Variants in AKR7A3 observed in about 807,000 individuals in gnomAD.
The protein encoded by AKR7A3 is AFB1 aldehyde reductase 2.
Under a neutral mutation model 32.5 loss-of-function variants are expected in AKR7A3, and 37 were observed. The ratio of observed to expected loss-of-function variants is 1.14; its 90% confidence interval spans 0.88 to 1.50. AKR7A3 has a LOEUF of 1.50. AKR7A3 is among the 40% of genes most tolerant of loss of function. The pLI, the probability that AKR7A3 is intolerant of heterozygous loss-of-function variation, is 0.00. For missense variants in AKR7A3, 412 were observed against 453.2 expected, an observed-to-expected ratio of 0.91 and a Z score of 0.83; for synonymous variants, 177 against 188.4, an observed-to-expected ratio of 0.94 and a Z score of 0.50.
chr1:19,288,310 T>C (rs1243989284), intron 1 of AKR7A3, among the ~76,000 whole-genome samples, 186 bp downstream of exon 1: 2 of 151,172 alleles, frequency 1.3e-5, no homozygotes, highest in Non-Finnish European at 1.5e-5. Flanking sequence ...GAGAGAAAAG[T>C]TGTCCGGAGC....
At chr1:19,284,972 G>A (rs1328881957) in intron 4 of AKR7A3, 46 bp downstream of exon 4, 4 of 1,610,792 alleles carry the variant, frequency 2.5e-6, no homozygotes, top group Non-Finnish European at 3.4e-6. Flanking sequence ...CTGGGCATCT[G>A]TGGGTCGGGA....
rs772074313 is a variant in AKR7A3, at chr1:19,288,609, G to C, written c.101C>G (p.Ala34Gly). Reference sequence around the variant, plus strand: ...CTCGGTGTGGCCGCGCTCCAGGAAGGCGCGCGTGACTGCGGCGCTGGTGGG... The same window carrying C: ...CTCGGTGTGGCCGCGCTCCAGGAAGCCGCGCGTGACTGCGGCGCTGGTGGG... ...DAPTSAAVTR[A>G]FLERGHTEID... is the part of the protein sequence containing the mutation. The change falls in exon 1 of 7, where the codon GCC becomes GGC. Residue 34 changes from alanine (A) to glycine (G), a missense_variant. Ala to Gly is a moderately conservative substitution (Grantham distance 60). Coordinates refer to ENST00000361640, the MANE Select transcript of AKR7A3 (RefSeq NM_012067.3). 5 of 1,588,456 alleles carry C rather than the reference G, an allele frequency of 3.1e-6. No homozygotes were observed. The highest frequency in any genetic ancestry group is 2.3e-5 in the South Asian group (2 of 88,344).
At chr1:19,279,445 A>G (rs1457947541), downstream of AKR7A3, among the ~76,000 whole-genome samples, 1 of 151,852 alleles carries the variant, frequency 6.6e-6, no homozygotes, top group East Asian at 1.9e-4. Context: ...CTATATACCC[A>G]CAAGTGGAAC....
chr1:19,286,565 C>CAGCT (rs1035103995), intron 1 of AKR7A3, among the ~76,000 whole-genome samples, 193 bp from the exon 2 acceptor site: 4 of 151,800 alleles, frequency 2.6e-5, no homozygotes, highest in Non-Finnish European at 4.4e-5. Context: ...CTGTAGTCCC[C>CAGCT]AGCTAGTCCG....
chr1:19,276,901 T>C, the AKR7A3 span, among the ~76,000 whole-genome samples: 2 of 151,558 alleles, frequency 1.3e-5, no homozygotes, highest in African/African-American at 4.9e-5. Flanking sequence ...CACCTGAGGT[T>C]AGGGGTTCTC....
downstream of AKR7A3, among the ~76,000 whole-genome samples, chr1:19,279,009 T>A (rs926182092): frequency 3.9e-5 from 6 of 151,926 alleles, no homozygotes; most frequent in African/African-American, 1.5e-4. Context: ...CAGGCTGCAG[T>A]GCAGTGATGC....
intron 4 of AKR7A3, 98 bp downstream of exon 4, chr1:19,284,920 G>A: frequency 1.3e-6 from 2 of 1,585,014 alleles, no homozygotes; most frequent in Non-Finnish European, 1.7e-6. Flanking sequence ...TGACCTCAGA[G>A]GTCAAAGTTT....
chr1:19,284,237 G>A (rs2093724667), intron 5 of AKR7A3, 112 bp from the exon 6 acceptor site: 2 of 1,419,100 alleles, frequency 1.4e-6, no homozygotes, highest in Non-Finnish European at 1.9e-6. Flanking sequence ...AGGGGCAGGT[G>A]TTCTCTCTAG....
chr1:19,280,816 T>G (rs990073692), downstream of AKR7A3, among the ~76,000 whole-genome samples: 3 of 151,882 alleles, frequency 2.0e-5, no homozygotes, highest in Admixed American at 1.3e-4. Context: ...ATGATCCGCC[T>G]GCCTCGGCCT....
downstream of AKR7A3, among the ~76,000 whole-genome samples, chr1:19,280,489 A>G (rs1208401043): frequency 6.6e-6 from 1 of 151,860 alleles, no homozygotes; most frequent in South Asian, 2.1e-4. Context: ...TTTCTTATGT[A>G]TGGTATGAGG....
chr1:19,280,587 T>C (rs1405210215), downstream of AKR7A3, among the ~76,000 whole-genome samples: 1 of 149,106 alleles, frequency 6.7e-6, no homozygotes, highest in Admixed American at 6.7e-5. Flanking sequence ...CTTTTCTTTT[T>C]TGAGACAGAG....
Position 19,282,866 on chromosome 1 carries a change from C to T in AKR7A3, c.861G>A (p.Leu287=), listed in dbSNP as rs369878720. 211 of 1,612,944 alleles carry T rather than the reference C, an allele frequency of 1.3e-4. 1 individual carries two copies. The highest frequency in any genetic ancestry group is 1.7e-4 in the Non-Finnish European group (201 of 1,179,844). ...LQGAHGDAVI[L]GMSSLEQLEQ... is the part of the protein sequence containing the mutation. ...CCAGCTGCTCCAGGCTGGACATGCCCAGGATGACCGCGTCCCCGTGGGCAC... is the reference window on the plus strand; with the variant it reads ...CCAGCTGCTCCAGGCTGGACATGCCTAGGATGACCGCGTCCCCGTGGGCAC... The change falls in exon 7 of 7, where the codon CTG becomes CTA. Residue 287 remains leucine, a synonymous_variant. Transcript: ENST00000361640.
chr1:19,285,478 G>A (rs1474216682), intron 3 of AKR7A3, among the ~76,000 whole-genome samples: 3 of 151,692 alleles, frequency 2.0e-5, no homozygotes, highest in Non-Finnish European at 4.4e-5. Context: ...CCAAGCAGGT[G>A]TGCAAATATT....
In AKR7A3 at chr1:19,284,870, C is replaced by A. The variant is rs1484489885; in HGVS notation, c.605-85G>T. The A allele has an allele frequency of 2.0e-5, 31 of 1,573,474 alleles. No individual in the cohort carries two copies. The South Asian group carries it at 3.1e-4, about 16-fold the overall frequency. On this transcript the variant is annotated intron_variant, in intron 4 of 6. Transcript: ENST00000361640. ...TCAGGGCTCTGGTCTAGGGGAGGGG[C>A]AGGGACCCAGGAGGGCTGAAGATGC...
chr1:19,282,616 T>A lies in AKR7A3; in HGVS notation c.*115A>T. 3.3e-6 allele frequency: 5 copies of A among 1,533,368 alleles called. No individual in the cohort carries two copies. In the South Asian group the frequency reaches 5.9e-5, roughly 18 times the overall value. The allele number at this position is 1,533,368 out of a possible 1,614,324, so 95.0% of individuals were successfully genotyped here. A position where few individuals can be genotyped will look rare whatever the true frequency, so the allele number is the denominator to read the frequency against. ...TTTGGTGGTGACTCTTCTATTAGGTTTTTGTCCAAATACTTCCATCCCTAA... is the reference window on the plus strand; with the variant it reads ...TTTGGTGGTGACTCTTCTATTAGGTATTTGTCCAAATACTTCCATCCCTAA... On this transcript the variant is annotated 3_prime_UTR_variant, in exon 7 of 7. Transcript: ENST00000361640.
chr1:19,282,408 C>T (rs542577795), downstream of AKR7A3: 13 of 407,680 alleles, frequency 3.2e-5, no homozygotes, highest in Admixed American at 4.8e-4. Context: ...TCCCCCTCTG[C>T]CATGACTGTA....
the AKR7A3 span, among the ~76,000 whole-genome samples, chr1:19,276,562 G>T: frequency 6.6e-6 from 1 of 151,642 alleles, no homozygotes; most frequent in African/African-American, 2.4e-5. Flanking sequence ...AGCACTTTGA[G>T]ATGCTGAGGC....
downstream of AKR7A3, chr1:19,282,480 G>A (rs1320418335): frequency 1.7e-6 from 1 of 598,098 alleles, no homozygotes; most frequent in Admixed American, 3.1e-5. Flanking sequence ...ACAGACTGCA[G>A]AGTGGTGAGC....
chr1:19,287,402 C>T (rs1036371452), intron 1 of AKR7A3, among the ~76,000 whole-genome samples: 2 of 151,650 alleles, frequency 1.3e-5, no homozygotes, highest in African/African-American at 2.4e-5. Flanking sequence ...CACGCACAGG[C>T]CAGGTTCGTT....
Sources: gnomAD v4.1 joint callset for allele counts (sites outside exome capture counted in the v4.1 genomes callset) on GRCh38, gnomAD v4.1.1 for gene constraint, MANE v1.5 for transcripts, NCBI Gene and HGNC (gene_info 2026-07-23, HGNC 2026-07-21) for gene names.